The following KRT33B variants were observed in gnomAD, a reference collection of about 807,000 sequenced individuals.
KRT33B encodes the protein keratin, type I cuticular Ha3-II.
Under a neutral mutation model 42.7 loss-of-function variants are expected in KRT33B, and 37 were observed. The observed-to-expected ratio is 0.87, with a 90% CI of 0.67 to 1.14. KRT33B has a LOEUF of 1.14. Among genes scored for constraint, KRT33B ranks in the 50% most tolerant of loss-of-function variants. The probability of loss-of-function intolerance (pLI) is 0.00; values close to 1 mark genes in which losing one functional copy is unlikely to be tolerated. For missense variants in KRT33B, 523 were observed against 515.1 expected, an observed-to-expected ratio of 1.02 and a Z score of -0.15; for synonymous variants, 237 against 221.2, an observed-to-expected ratio of 1.07 and a Z score of -0.63.
intron 3 of KRT33B, among the ~76,000 whole-genome samples, 154 bp downstream of exon 3, chr17:41,366,316 G>A (rs1175681480): frequency 6.6e-6 from 1 of 151,358 alleles, no homozygotes; most frequent in African/African-American, 2.5e-5. Flanking sequence ...AAGGTAAGCT[G>A]TCACTCATTC....
Position 41,368,264 on chromosome 17 carries a change from A to G in KRT33B, c.349-274T>C, listed in dbSNP as rs1057040270. Among the ~76,000 whole-genome samples, 7 of 151,392 alleles carry G rather than the reference A, an allele frequency of 4.6e-5. 1 individual carries two copies. The highest frequency in any genetic ancestry group is 1.7e-4 in the African/African-American group (7 of 40,678). On this transcript the variant is annotated intron_variant, in intron 1 of 6. Coordinates refer to ENST00000251646, the MANE Select transcript of KRT33B (RefSeq NM_002279.5). ...ATCCAACCCTTCGGTTGGGTGACCAACCATCCCAGTTAACTTAGGACTGAG... is the reference window on the plus strand; with the variant it reads ...ATCCAACCCTTCGGTTGGGTGACCAGCCATCCCAGTTAACTTAGGACTGAG...
In KRT33B at chr17:41,364,089, C is replaced by T. The variant is rs73983408; in HGVS notation, c.1098-136G>A. 1,139 of 615,894 alleles carry T rather than the reference C, an allele frequency of 1.8e-3. 73 individuals carry two copies. In the African/African-American group the frequency reaches 0.019, roughly 11 times the overall value. 38.2% of individuals were successfully genotyped at this position (615,894 alleles called of 1,614,324 possible). On this transcript the variant is annotated intron_variant, in intron 6 of 6. Transcript: ENST00000251646. ...AAGCCATGCCTTGTTTGGATCACTC[C>T]TTCTACAGAGTTCTGATACAGTGGC...
rs567501008 is a variant in KRT33B at position 41,369,082 on chromosome 17, A to T, written c.348+321T>A. 2.0e-3 allele frequency among the ~76,000 whole-genome samples: 296 copies of T among 151,554 alleles called. 17 individuals are homozygous for T. The highest frequency in any genetic ancestry group is 7.1e-3 in the African/African-American group (290 of 40,828). On this transcript the variant is annotated intron_variant, in intron 1 of 6. Coordinates refer to ENST00000251646, the MANE Select transcript of KRT33B (RefSeq NM_002279.5). ...TAATTCAGGTGCATACTTTTTGAAA[A>T]TGCGGTAATGCTCTGAAAACAAAAC... is the stretch of plus-strand genomic sequence containing the variant.
intron 1 of KRT33B, among the ~76,000 whole-genome samples, chr17:41,368,976 C>T (rs566431251): frequency 6.6e-6 from 1 of 151,454 alleles, no homozygotes; most frequent in East Asian, 1.9e-4. Context: ...TCTTGTGTTG[C>T]CATAAATGCT....
At position 41,366,469 on chromosome 17, in the gene KRT33B, C is replaced by G; in HGVS notation, c.588+1G>C. 1 of 1,612,084 alleles carries G rather than the reference C, an allele frequency of 6.2e-7. No individual in the cohort carries two copies. Among genetic ancestry groups the G allele is most frequent in the Non-Finnish European group, 8.5e-7 (1 of 1,179,994 alleles). The stretch of plus-strand genomic sequence containing the variant: ...GGGATATTGGGGGCTGGGACTCTTA[C>G]CTGCTCATGGTTCTGCTTGAGGGAC... On this transcript the variant is annotated splice_donor_variant, in intron 3 of 6. Coordinates refer to ENST00000251646, the MANE Select transcript of KRT33B (RefSeq NM_002279.5). LOFTEE classifies it high-confidence loss of function.
Position 41,369,486 on chromosome 17 carries a change from G to C in KRT33B, c.265C>G (p.Arg89Gly). Reference sequence around the variant, plus strand: ...GGCTCCTGCTGCTGAGACCGCTCCCGGATGAGGTTCTCCAGCTCCGCGTTG... The same window carrying C: ...GGCTCCTGCTGCTGAGACCGCTCCCCGATGAGGTTCTCCAGCTCCGCGTTG... ...RDNAELENLIRERSQQQEPLL... is the reference protein window; with the variant it reads ...RDNAELENLIGERSQQQEPLL... Residue 89 changes from arginine to glycine, a missense_variant, in exon 1 of 7, where the codon CGG becomes GGG. Physicochemically the swap from Arg to Gly is moderately radical, Grantham distance 125. Transcript: ENST00000251646. 6.2e-7 allele frequency: 1 copy of C among 1,613,864 alleles called. No individual in the cohort carries two copies.
At chr17:41,368,657 A>G (rs1206595510) in intron 1 of KRT33B, among the ~76,000 whole-genome samples, 1 of 151,398 alleles carries the variant, frequency 6.6e-6, no homozygotes, top group East Asian at 1.9e-4. Context: ...TGATATTCAA[A>G]TAGCACAACC....
chr17:41,366,645 G>A lies in KRT33B; in HGVS notation c.432-19C>T, dbSNP rs975455845. ...CTGGTACCTGCACACACAGCCAGAG[G>A]TCAAAAGAGGTCCAAAAAAAAAAAG... On this transcript the variant is annotated intron_variant, in intron 2 of 6. Transcript: ENST00000251646. 9.7e-6 allele frequency: 15 copies of A among 1,545,514 alleles called. No homozygotes were observed. The highest frequency in any genetic ancestry group is 1.2e-5 in the South Asian group (1 of 81,806).
At position 41,369,658 on chromosome 17, in the gene KRT33B, C is replaced by G. The variant is rs747983852; in HGVS notation, c.93G>C (p.Leu31=). ...CVPPSCHGYT[L]PGACNIPANV... is the part of the protein sequence containing the mutation. ...TGGCAGGGATGTTGCAGGCCCCGGG[C>G]AGGGTGTAGCCGTGGCAGCTGGGGG... Residue 31 remains leucine, a synonymous_variant, in exon 1 of 7, where the codon CTG becomes CTC. Coordinates refer to ENST00000251646, the MANE Select transcript of KRT33B (RefSeq NM_002279.5). 35 of 1,613,744 alleles carry G rather than the reference C, an allele frequency of 2.2e-5. 1 individual carries two copies. In the South Asian group the frequency reaches 3.5e-4, roughly 16 times the overall value.
At position 41,369,783 on chromosome 17, in the gene KRT33B, G is replaced by A; in HGVS notation, c.-33C>T. 6.3e-7 allele frequency: 1 copy of A among 1,593,396 alleles called. No homozygotes were observed. Among genetic ancestry groups the A allele is most frequent in the Non-Finnish European group, 8.6e-7 (1 of 1,168,272 alleles). On this transcript the variant is annotated 5_prime_UTR_variant, in exon 1 of 7. Coordinates refer to ENST00000251646, the MANE Select transcript of KRT33B (RefSeq NM_002279.5). ...GGAGGCAGTGGAGCTCTGGAAGTCA[G>A]TTTCAAAACCTGATTCCTTTTCCCT...
Position 41,369,556 on chromosome 17 carries a change from G to T in KRT33B, c.195C>A (p.Asp65Glu). Residue 65 changes from aspartate to glutamate, a missense_variant, in exon 1 of 7, where the codon GAC (aspartate) becomes GAA (glutamate). Physicochemically the swap from Asp to Glu is conservative, Grantham distance 45 (BLOSUM62 2). Transcript: ENST00000251646. ...CCTTCTCCAGGTAGCTGGCCAGGCG[G>T]TCGTTCAGGAACTGCATAGTCTCCT... ...SEKETMQFLN[D>E]RLASYLEKVR... 6.2e-7 allele frequency: 1 copy of T among 1,613,966 alleles called. No individual in the cohort carries two copies. Among genetic ancestry groups the T allele is most frequent in the East Asian group, 2.2e-5 (1 of 44,882 alleles).
In KRT33B at chr17:41,365,495, G is replaced by C. The variant is rs750935787; in HGVS notation, c.647C>G (p.Ala216Gly). 7 of 1,613,096 alleles carry C rather than the reference G, an allele frequency of 4.3e-6. No individual in the cohort carries two copies. The South Asian group carries it at 7.7e-5, about 18-fold the overall frequency. ...GACCTGGTTCAGGTCCACAGCGGGAGCAGCGTCCACCTCCACGTTGAGGCG... is the reference window on the plus strand; with the variant it reads ...GACCTGGTTCAGGTCCACAGCGGGACCAGCGTCCACCTCCACGTTGAGGCG... ...GDRLNVEVDA[A>G]PAVDLNQVLN... The change falls in exon 4 of 7, where the codon GCT (alanine) becomes GGT (glycine). Residue 216 changes from alanine (A) to glycine (G), a missense_variant. Transcript: ENST00000251646.
chr17:41,365,815 G>A (rs1264801736), intron 3 of KRT33B, among the ~76,000 whole-genome samples: 6 of 151,426 alleles, frequency 4.0e-5, no homozygotes, highest in Middle Eastern at 3.4e-3. Flanking sequence ...CCTTTGCTCA[G>A]TGATAAGCCT....
Position 41,365,179 on chromosome 17 carries a change from T to C in KRT33B, c.872A>G (p.Asn291Ser), listed in dbSNP as rs1174620509. 4 of 1,611,552 alleles carry C rather than the reference T, an allele frequency of 2.5e-6. No homozygotes were observed. The South Asian group carries it at 4.4e-5, about 18-fold the overall frequency. Residue 291 changes from asparagine (N) to serine (S), a missense_variant, in exon 5 of 7, where the codon AAC becomes AGC. Physicochemically the swap from Asn to Ser is conservative, Grantham distance 46 (BLOSUM62 1). Transcript: ENST00000251646. ...GCAGGTCTGAACAATACACACCAGG[T>C]TGTGCTGGGCCTGCAGCTCGATCTC... ...ALEIELQAQH[N>S]LRYSLENTLT... is the part of the protein sequence containing the mutation.
chr17:41,366,453 G>A lies in KRT33B; in HGVS notation c.588+17C>T, dbSNP rs1183586616. 7 of 1,611,208 alleles carry A rather than the reference G, an allele frequency of 4.3e-6. No homozygotes were observed. The highest frequency in any genetic ancestry group is 5.9e-6 in the Non-Finnish European group (7 of 1,179,888). On this transcript the variant is annotated intron_variant, in intron 3 of 6. Coordinates refer to ENST00000251646, the MANE Select transcript of KRT33B (RefSeq NM_002279.5). ...CAGAGCTCTCAGTATTGGGATATTG[G>A]GGGCTGGGACTCTTACCTGCTCATG...
chr17:41,365,556 A>T lies in KRT33B; in HGVS notation c.589-3T>A, dbSNP rs2017689997. ...TGGCAGCGCAAGGTGTTGACTTCCT[A>T]ATGGAGAAAAGGGAAGAAATAAACC... On this transcript the variant is annotated splice_region_variant and splice_polypyrimidine_tract_variant and intron_variant, in intron 3 of 6. Coordinates refer to ENST00000251646, the MANE Select transcript of KRT33B (RefSeq NM_002279.5). The T allele has an allele frequency of 1.2e-6, 2 of 1,609,120 alleles. No individual in the cohort carries two copies. The highest frequency in any genetic ancestry group is 2.2e-5 in the South Asian group (2 of 90,284).
chr17:41,366,335 GC>G, intron 3 of KRT33B, 134 bp downstream of exon 3: 3 of 991,854 alleles, frequency 3.0e-6, no homozygotes, highest in Non-Finnish European at 4.4e-6. Context: ...TCCCCAACAA[GC>G]CCCAAAGTAT....
chr17:41,368,086 T>C (rs1010504673), intron 1 of KRT33B, 96 bp from the exon 2 acceptor site: 2 of 1,134,714 alleles, frequency 1.8e-6, no homozygotes, highest in Non-Finnish European at 2.6e-6. Flanking sequence ...TCCTCCCAAA[T>C]AGCTTTGAGT....
intron 3 of KRT33B, 99 bp from the exon 4 acceptor site, chr17:41,365,652 T>C (rs1309919451): frequency 6.9e-7 from 1 of 1,448,638 alleles, no homozygotes; most frequent in South Asian, 1.3e-5. Flanking sequence ...GCATTGCAGC[T>C]TAGGAAACAT....
Sources: gnomAD v4.1 joint callset for allele counts (sites outside exome capture counted in the v4.1 genomes callset) on GRCh38, gnomAD v4.1.1 for gene constraint, MANE v1.5 for transcripts, NCBI Gene and HGNC (gene_info 2026-07-23, HGNC 2026-07-21) for gene names.